Variants in SYT1 observed in about 807,000 individuals in gnomAD.
SYT1 encodes the protein synaptotagmin 1, also known as synaptotagmin-1.
Under a neutral mutation model 44.8 loss-of-function variants are expected in SYT1, and 8 were observed. That is an observed-to-expected ratio of 0.18 (90% CI 0.10 to 0.32). The LOEUF (loss-of-function observed/expected upper bound fraction) is 0.32. Ranked by LOEUF, SYT1 falls within the 10% of genes least tolerant of loss-of-function variation. SYT1 has a pLI of 1.00. For missense variants in SYT1, 286 were observed against 509.3 expected (o/e 0.56, Z 4.22); for synonymous variants, 154 against 188.8 (o/e 0.82, Z 1.51).
At chr12:79,227,312 T>C (rs1875581617) in intron 4 of SYT1, among the ~76,000 whole-genome samples, 1 of 152,194 alleles carries the variant, frequency 6.6e-6, no homozygotes, top group African/African-American at 2.4e-5. Flanking sequence ...GTTATCTAAA[T>C]GAAGCAGACA....
At chr12:79,362,713 T>C (rs1056793936) in intron 9 of SYT1, among the ~76,000 whole-genome samples, 1 of 152,020 alleles carries the variant, frequency 6.6e-6, no homozygotes, top group African/African-American at 2.4e-5. Context: ...AGAGCTAGAG[T>C]AATACCTACC....
At chr12:79,013,452 G>C (rs1871556768) in intron 2 of SYT1, among the ~76,000 whole-genome samples, 1 of 152,162 alleles carries the variant, frequency 6.6e-6, no homozygotes, top group Non-Finnish European at 1.5e-5. Flanking sequence ...TTTATAAACT[G>C]TAACTACAAC....
At position 79,071,412 on chromosome 12, in the gene SYT1, A is replaced by C. The variant is rs1455013016; in HGVS notation, c.-18+24050A>C. On this transcript the variant is annotated intron_variant, in intron 3 of 10. Transcript: ENST00000261205. The stretch of plus-strand genomic sequence containing the variant: ...CCAAATATAATAAATCTGTGCTAAA[A>C]GAGTACAAGGAAAGAAGTAATTATT... Among the ~76,000 whole-genome samples the C allele has an allele frequency of 2.6e-5, 4 of 152,202 alleles. No individual in the cohort carries two copies. In the East Asian group the frequency reaches 7.7e-4, roughly 29 times the overall value.
At chr12:78,945,198 A>G (rs1298599369) in intron 1 of SYT1, among the ~76,000 whole-genome samples, 1 of 152,156 alleles carries the variant, frequency 6.6e-6, no homozygotes, top group Non-Finnish European at 1.5e-5. Flanking sequence ...TTTCAGAATA[A>G]ATAAGTAATT....
intron 1 of SYT1, among the ~76,000 whole-genome samples, chr12:78,882,720 A>G (rs1415996921): frequency 2.0e-5 from 3 of 151,826 alleles, no homozygotes; most frequent in African/African-American, 7.2e-5. Context: ...TTCATATCTC[A>G]TAGGTGAGGG....
chr12:78,933,208 A>G (rs1246324790), intron 1 of SYT1, among the ~76,000 whole-genome samples: 2 of 152,100 alleles, frequency 1.3e-5, no homozygotes, highest in African/African-American at 4.8e-5. Flanking sequence ...ATATGGTTAG[A>G]TGAATCTGTG....
intron 2 of SYT1, among the ~76,000 whole-genome samples, chr12:79,012,182 C>T (rs1483593312): frequency 6.6e-6 from 1 of 150,570 alleles, no homozygotes; most frequent in Non-Finnish European, 1.5e-5. Flanking sequence ...ATTATATCTG[C>T]ATACTCTCAG....
chr12:78,921,043 C>T (rs2126622), intron 1 of SYT1, among the ~76,000 whole-genome samples: 87,971 of 151,678 alleles, frequency 0.58, 25,808 homozygotes, highest in East Asian at 0.69. Flanking sequence ...TTTAGTATTA[C>T]AACTTTGAAG....
chr12:79,391,459 A>G (rs1418850378), intron 9 of SYT1, among the ~76,000 whole-genome samples: 1 of 152,198 alleles, frequency 6.6e-6, no homozygotes, highest in African/African-American at 2.4e-5. Flanking sequence ...CCAGAAATAT[A>G]TTGCTTAAGA....
chr12:79,288,174 G>T (rs945663191), intron 5 of SYT1, among the ~76,000 whole-genome samples: 1 of 151,946 alleles, frequency 6.6e-6, no homozygotes, highest in Admixed American at 6.6e-5. Flanking sequence ...GAAGAGGAAG[G>T]CTAAAAAAGC....
chr12:79,271,530 T>A (rs1250678949), intron 4 of SYT1, among the ~76,000 whole-genome samples: 1 of 152,110 alleles, frequency 6.6e-6, no homozygotes, highest in Admixed American at 6.6e-5. Flanking sequence ...GACTGAGATT[T>A]TAACACCTGG....
At chr12:79,019,991 G>C (rs1206535495) in intron 2 of SYT1, among the ~76,000 whole-genome samples, 1 of 151,886 alleles carries the variant, frequency 6.6e-6, no homozygotes, top group Non-Finnish European at 1.5e-5. Flanking sequence ...AACAAAAGTA[G>C]TGTCAATTTA....
intron 1 of SYT1, among the ~76,000 whole-genome samples, chr12:78,977,187 T>C (rs879773681): frequency 6.6e-6 from 1 of 152,162 alleles, no homozygotes; most frequent in African/African-American, 2.4e-5. Flanking sequence ...AAGTATTTGA[T>C]AGAGCTTCCC....
intron 10 of SYT1, among the ~76,000 whole-genome samples, chr12:79,444,731 C>A (rs892772733): frequency 1.3e-5 from 2 of 152,014 alleles, no homozygotes; most frequent in African/African-American, 4.8e-5. Context: ...GAATGGATGG[C>A]TATTTTATTA....
intron 2 of SYT1, among the ~76,000 whole-genome samples, chr12:78,991,210 A>C (rs1869987528): frequency 1.4e-4 from 22 of 152,128 alleles, no homozygotes; most frequent in Admixed American, 1.4e-3. Context: ...TTGAGGGAAT[A>C]TATAACATTA....
chr12:79,426,454 G>T (rs1341804603), intron 9 of SYT1, among the ~76,000 whole-genome samples: 1 of 151,822 alleles, frequency 6.6e-6, no homozygotes, highest in East Asian at 1.9e-4. Flanking sequence ...TTTGTGAATA[G>T]AACACAATCT....
chr12:78,993,096 G>T (rs143008399), intron 2 of SYT1, among the ~76,000 whole-genome samples: 2 of 152,192 alleles, frequency 1.3e-5, no homozygotes, highest in East Asian at 1.9e-4. Flanking sequence ...CATCCCTTCT[G>T]ATGGCTTTAT....
chr12:79,053,345 C>T (rs1391129010), intron 3 of SYT1, among the ~76,000 whole-genome samples: 2 of 151,682 alleles, frequency 1.3e-5, no homozygotes, highest in Non-Finnish European at 1.5e-5. Flanking sequence ...CATCACACAC[C>T]GAGGACTGTT....
rs144875804 is a variant in SYT1, at chr12:79,356,295, T to A, written c.928+2676T>A. 2.9e-3 allele frequency among the ~76,000 whole-genome samples: 437 copies of A among 152,006 alleles called. 2 individuals carry two copies. The highest frequency in any genetic ancestry group is 9.8e-3 in the African/African-American group (407 of 41,508). ...GATCCATCCCAGTAGAACAAATCTT[T>A]GCCTTTTTTTAAATGCCATTAGCCA... is the stretch of plus-strand genomic sequence containing the variant. On this transcript the variant is annotated intron_variant, in intron 9 of 10. Transcript: ENST00000261205.
Sources: gnomAD v4.1 joint callset for allele counts (sites outside exome capture counted in the v4.1 genomes callset) on GRCh38, gnomAD v4.1.1 for gene constraint, MANE v1.5 for transcripts, NCBI Gene and HGNC (gene_info 2026-07-23, HGNC 2026-07-21) for gene names.